The following STK31 variants were observed in gnomAD, a reference collection of about 807,000 sequenced individuals.
STK31 encodes the protein serine/threonine kinase 31.
In STK31, 89 loss-of-function variants were observed where a neutral mutation model predicts 129.7. That is an observed-to-expected ratio of 0.69 (90% confidence interval 0.58 to 0.82). The LOEUF is 0.82. Ranked by LOEUF, STK31 falls within the 40% of genes least tolerant of loss-of-function variation. The probability of loss-of-function intolerance (pLI) is 0.00; values close to 1 mark genes in which losing one functional copy is unlikely to be tolerated. For missense variants in STK31, 1,187 were observed against 1,176.4 expected, an observed-to-expected ratio of 1.01 and a Z score of -0.13; for synonymous variants, 448 against 395.3, an observed-to-expected ratio of 1.13 and a Z score of -1.58.
intron 22 of STK31, among the ~76,000 whole-genome samples, chr7:23,814,413 C>G (rs569553259): frequency 1.3e-5 from 2 of 151,940 alleles, no homozygotes; most frequent in African/African-American, 4.8e-5. Context: ...AAAAAGTAAA[C>G]TAATTTGATA....
At chr7:23,788,215 C>G in intron 21 of STK31, 86 bp downstream of exon 21, 1 of 1,113,466 alleles carries the variant, frequency 9.0e-7, no homozygotes, top group Non-Finnish European at 1.2e-6. Flanking sequence ...TAATATAATA[C>G]TTTATTATAG....
At chr7:23,715,688 T>TCC (rs1786273819) in intron 3 of STK31, among the ~76,000 whole-genome samples, 1 of 152,162 alleles carries the variant, frequency 6.6e-6, no homozygotes, top group African/African-American at 2.4e-5. Context: ...AGGCTGCTTC[T>TCC]CTTGTTTCTC....
At chr7:23,789,141 T>C (rs1020005202) in intron 21 of STK31, among the ~76,000 whole-genome samples, 5 of 152,180 alleles carry the variant, frequency 3.3e-5, no homozygotes, top group Admixed American at 6.5e-5. Context: ...TGTCATTCCT[T>C]TTTATTGCCA....
chr7:23,796,761 A>G (rs1255865343), intron 22 of STK31, among the ~76,000 whole-genome samples: 1 of 152,228 alleles, frequency 6.6e-6, no homozygotes, highest in Non-Finnish European at 1.5e-5. Flanking sequence ...ACACATAGCA[A>G]TATGAACCTT....
chr7:23,765,558 CTTTTT>C (rs10677070), intron 11 of STK31, among the ~76,000 whole-genome samples: 3 of 129,602 alleles, frequency 2.3e-5, no homozygotes, highest in Non-Finnish European at 4.7e-5. Flanking sequence ...ACCTCTTATA[CTTTTT>C]TTTTTTTTTT....
In STK31 at chr7:23,769,682, G is replaced by T; in HGVS notation, c.1639G>T (p.Ala547Ser). 9 of 1,611,902 alleles carry T rather than the reference G, an allele frequency of 5.6e-6. No individual in the cohort carries two copies. The highest frequency in any genetic ancestry group is 6.8e-6 in the Non-Finnish European group (8 of 1,178,788). The change falls in exon 13 of 24, where the codon GCA becomes TCA. Residue 547 changes from alanine (A) to serine (S), a missense_variant. By Grantham distance (99) the Ala-to-Ser change is moderately conservative. Around this residue, in one of 5 missense-constraint regions of STK31, gnomAD observed 975 missense variants for 934.9 expected, o/e 1.04. Coordinates refer to ENST00000355870, the MANE Select transcript of STK31 (RefSeq NM_031414.5). The stretch of plus-strand genomic sequence containing the variant: ...GGAAGGATCACTGATTTCAGAAGAC[G>T]CAATGGATAATATTGATGAAATCCT... ...SVEGSLISED[A>S]MDNIDEILEK...
chr7:23,814,265 C>G (rs1793336589), intron 22 of STK31, among the ~76,000 whole-genome samples: 1 of 148,500 alleles, frequency 6.7e-6, no homozygotes, highest in East Asian at 2.0e-4. Flanking sequence ...CAGTGTTTTC[C>G]TTTGGTTATA....
At chr7:23,778,408 C>T (rs1790696173) in intron 15 of STK31, among the ~76,000 whole-genome samples, 1 of 152,162 alleles carries the variant, frequency 6.6e-6, no homozygotes, top group South Asian at 2.1e-4. Context: ...GGAAGTTCTC[C>T]TGGATAATAT....
Position 23,736,917 on chromosome 7 carries a change from G to A in STK31, c.856G>A (p.Val286Ile). 2.5e-6 allele frequency: 4 copies of A among 1,604,776 alleles called. No homozygotes were observed. The South Asian group carries it at 4.5e-5, about 18-fold the overall frequency. The change falls in exon 8 of 24, where the codon GTT becomes ATT. Residue 286 changes from valine (V) to isoleucine (I), a missense_variant. Val to Ile is a conservative substitution (Grantham distance 29). Around this residue, in one of 5 missense-constraint regions of STK31, gnomAD observed 975 missense variants for 934.9 expected, o/e 1.04. Transcript: ENST00000355870. ...TTGTTTTTATAGGGAAAGTTTGGCT[G>A]TTGGTGACTTTAATTTAGGGTCTAA... is the stretch of plus-strand genomic sequence containing the variant. Reference protein sequence around the residue: ...LITFPKESLAVGDFNLGSNVS... With the variant: ...LITFPKESLAIGDFNLGSNVS...
chr7:23,726,848 G>A (rs1002403428), intron 4 of STK31, among the ~76,000 whole-genome samples: 4 of 152,086 alleles, frequency 2.6e-5, no homozygotes, highest in African/African-American at 7.2e-5. Flanking sequence ...TTAGACTTAC[G>A]TGGCATGTAC....
chr7:23,794,986 G>A (rs1452206148), intron 22 of STK31, among the ~76,000 whole-genome samples: 2 of 152,220 alleles, frequency 1.3e-5, no homozygotes, highest in Non-Finnish European at 2.9e-5. Flanking sequence ...GGAGCCTGAT[G>A]ATGTGGTAGA....
rs1463982515 is a variant in STK31, at chr7:23,771,099, A to C, written c.1808A>C (p.Gln603Pro). The change falls in exon 14 of 24, where the codon CAA becomes CCA. Residue 603 changes from glutamine to proline, a missense_variant. Physicochemically the swap from Gln to Pro is moderately conservative, Grantham distance 76. This residue lies in a region of STK31 where 975 missense variants were observed against 934.9 expected (regional missense o/e 1.04). Coordinates refer to ENST00000355870, the MANE Select transcript of STK31 (RefSeq NM_031414.5). ...HSEERLIATVQAKYKDSIEFK... is the reference protein window; with the variant it reads ...HSEERLIATVPAKYKDSIEFK... Reference sequence around the variant, plus strand: ...GAGGAAAGGCTCATTGCCACAGTACAAGCTAAGTACAAGGACAGTATTGAG... The same window carrying C: ...GAGGAAAGGCTCATTGCCACAGTACCAGCTAAGTACAAGGACAGTATTGAG... 4 of 1,612,322 alleles carry C rather than the reference A, an allele frequency of 2.5e-6. No individual in the cohort carries two copies. Among genetic ancestry groups the C allele is most frequent in the Non-Finnish European group, 2.5e-6 (3 of 1,179,218 alleles).
At chr7:23,748,002 A>G (rs1788465391) in intron 8 of STK31, among the ~76,000 whole-genome samples, 1 of 152,080 alleles carries the variant, frequency 6.6e-6, no homozygotes, top group Non-Finnish European at 1.5e-5. Context: ...TTAAGATTTA[A>G]TTTGCTAAAG....
chr7:23,753,209 A>G (rs1788826503), intron 9 of STK31, among the ~76,000 whole-genome samples: 1 of 152,236 alleles, frequency 6.6e-6, no homozygotes, highest in Non-Finnish European at 1.5e-5. Context: ...ATAACATTGA[A>G]GAAGAAAATC....
intron 15 of STK31, 60 bp from the exon 16 acceptor site, chr7:23,781,359 C>A: frequency 7.8e-7 from 1 of 1,289,484 alleles, no homozygotes; most frequent in Non-Finnish European, 1.1e-6. Flanking sequence ...AACTTGAATT[C>A]TTAAAAGAAG....
At chr7:23,710,382 A>T in intron 1 of STK31, 47 bp downstream of exon 1, 1 of 1,612,934 alleles carries the variant, frequency 6.2e-7, no homozygotes, top group Non-Finnish European at 8.5e-7. Flanking sequence ...CGCTTCAAGG[A>T]CTATTTTCGT....
intron 8 of STK31, among the ~76,000 whole-genome samples, chr7:23,752,252 A>G (rs1194959852): frequency 6.6e-6 from 1 of 152,196 alleles, no homozygotes; most frequent in Non-Finnish European, 1.5e-5. Flanking sequence ...GAATCATTGA[A>G]GCCTTCATTC....
At chr7:23,815,075 G>C (rs1793388913) in intron 22 of STK31, 69 bp from the exon 23 acceptor site, 1 of 1,126,838 alleles carries the variant, frequency 8.9e-7, no homozygotes, top group Non-Finnish European at 1.3e-6. Context: ...TGAAGTTCCA[G>C]AGTTGACTCT....
intron 6 of STK31, among the ~76,000 whole-genome samples, chr7:23,733,477 C>T (rs1371549693): frequency 6.6e-6 from 1 of 150,664 alleles, no homozygotes; most frequent in Non-Finnish European, 1.5e-5. Flanking sequence ...CCTTCAGATG[C>T]ATCCTTGTAG....
Sources: allele counts gnomAD v4.1 joint callset (sites outside exome capture counted in the v4.1 genomes callset), GRCh38; gene constraint gnomAD v4.1.1; regional missense constraint gnomAD v4.1.1; transcripts MANE v1.5; gene names NCBI Gene and HGNC (gene_info 2026-07-23, HGNC 2026-07-21).